Variants in ATP13A4 observed in about 807,000 individuals in gnomAD.
ATP13A4 encodes ATPase 13A4.
In ATP13A4, 114 loss-of-function variants were observed where a neutral mutation model predicts 142.5. The ratio of observed to expected loss-of-function variants is 0.80; its 90% CI spans 0.69 to 0.93. The LOEUF is 0.93. ATP13A4 is among the 40% of genes least tolerant of loss of function. The pLI, the probability that ATP13A4 is intolerant of heterozygous loss-of-function variation, is 0.00. For synonymous variants in ATP13A4, 488 were observed against 514.8 expected, an observed-to-expected ratio of 0.95 and a Z score of 0.70; for missense variants, 1,392 against 1,454.0, an observed-to-expected ratio of 0.96 and a Z score of 0.69.
chr3:193,553,101 G>A (rs1199164259), intron 1 of ATP13A4: 1 of 152,194 alleles, frequency 6.6e-6, no homozygotes, highest in African/African-American at 2.4e-5. Flanking sequence ...CACCTCTGCT[G>A]AGACTACTGG....
At chr3:193,571,225 G>A (rs949288261) in intron 2 of ATP13A4, among the ~76,000 whole-genome samples, 2 of 138,394 alleles carry the variant, frequency 1.4e-5, no homozygotes, top group East Asian at 4.2e-4. Flanking sequence ...TTGCCAGTGA[G>A]CCGAGATTGC....
intron 1 of ATP13A4, among the ~76,000 whole-genome samples, chr3:193,585,640 G>A (rs1232666032): frequency 1.3e-5 from 2 of 152,092 alleles, no homozygotes; most frequent in Non-Finnish European, 1.5e-5. Context: ...AGTTCAGCGC[G>A]TCTGTTAGAT....
At chr3:193,457,662 C>G (rs903574097) in intron 14 of ATP13A4, among the ~76,000 whole-genome samples, 197 bp from the exon 15 acceptor site, 3 of 152,204 alleles carry the variant, frequency 2.0e-5, no homozygotes, top group Non-Finnish European at 4.4e-5. Flanking sequence ...ACTTGAAGGG[C>G]AGACACTTTT....
chr3:193,424,314 A>T (rs1457123186), intron 25 of ATP13A4, among the ~76,000 whole-genome samples: 1 of 81,228 alleles, frequency 1.2e-5, no homozygotes, highest in Non-Finnish European at 2.8e-5. Flanking sequence ...AATTTTTCAC[A>T]GAAATAGAAA....
At chr3:193,411,440 A>C (rs546010909) in intron 27 of ATP13A4, among the ~76,000 whole-genome samples, 2 of 152,372 alleles carry the variant, frequency 1.3e-5, no homozygotes, top group East Asian at 1.9e-4. Flanking sequence ...GCCTGTCAAT[A>C]AACCAATTTT....
At chr3:193,541,045 C>A (rs1202281326) in intron 1 of ATP13A4, among the ~76,000 whole-genome samples, 1 of 151,932 alleles carries the variant, frequency 6.6e-6, no homozygotes, top group Non-Finnish European at 1.5e-5. Context: ...GTCAGGAGAT[C>A]GAGAGCATCC....
intron 3 of ATP13A4, among the ~76,000 whole-genome samples, chr3:193,496,991 T>A (rs1242444778): frequency 1.3e-5 from 2 of 152,040 alleles, no homozygotes; most frequent in Non-Finnish European, 2.9e-5. Context: ...GGGAAACGTT[T>A]CATGACATTG....
intron 1 of ATP13A4, among the ~76,000 whole-genome samples, chr3:193,552,042 T>C (rs1429118749): frequency 1.3e-5 from 2 of 152,186 alleles, no homozygotes; most frequent in Non-Finnish European, 2.9e-5. Flanking sequence ...GGCGCGATCT[T>C]GGCTCACTGC....
At chr3:193,573,247 C>T (rs1034479008) in intron 2 of ATP13A4, among the ~76,000 whole-genome samples, 4 of 102,578 alleles carry the variant, frequency 3.9e-5, no homozygotes, top group Non-Finnish European at 7.6e-5. Flanking sequence ...TGAACTTTAA[C>T]GAATACCACA....
chr3:193,482,024 T>C (rs1719325961), intron 8 of ATP13A4, among the ~76,000 whole-genome samples: 1 of 152,134 alleles, frequency 6.6e-6, no homozygotes, highest in Non-Finnish European at 1.5e-5. Flanking sequence ...AGAGCAAAAC[T>C]GTAGGACTAA....
chr3:193,556,363 A>ATG (rs1335651509), upstream of ATP13A4, among the ~76,000 whole-genome samples: 4 of 151,880 alleles, frequency 2.6e-5, no homozygotes, highest in East Asian at 2.0e-4. Flanking sequence ...CAATGTGTGC[A>ATG]TGTGTGTGTG....
At chr3:193,511,363 C>T (rs1387376882) in intron 2 of ATP13A4, among the ~76,000 whole-genome samples, 3 of 152,108 alleles carry the variant, frequency 2.0e-5, no homozygotes, top group Non-Finnish European at 4.4e-5. Context: ...GCTGGCTACA[C>T]GCAACTAGGA....
At chr3:193,549,433 T>TAGAG (rs374646368) in intron 1 of ATP13A4, among the ~76,000 whole-genome samples, 10 of 136,660 alleles carry the variant, frequency 7.3e-5, no homozygotes, top group African/African-American at 1.3e-4. Context: ...TATATATATA[T>TAGAG]AGAGAGAGAG....
chr3:193,562,067 T>A (rs79158946), intron 2 of ATP13A4, among the ~76,000 whole-genome samples: 3,788 of 152,198 alleles, frequency 0.025, 141 homozygotes, highest in African/African-American at 0.085. Context: ...CATATCTCAT[T>A]GACCCCAGAG....
intron 1 of ATP13A4, among the ~76,000 whole-genome samples, chr3:193,517,647 A>AT (rs540931143): frequency 1.3e-5 from 2 of 151,514 alleles, no homozygotes; most frequent in Admixed American, 6.6e-5. Flanking sequence ...CGCCCGGCTA[A>AT]TTTTTTTTGT....
At chr3:193,581,514 A>G (rs1724545441) in intron 2 of ATP13A4, among the ~76,000 whole-genome samples, 3 of 152,286 alleles carry the variant, frequency 2.0e-5, no homozygotes, top group African/African-American at 7.2e-5. Flanking sequence ...AATGGACGTG[A>G]TAACCACGTG....
chr3:193,496,843 A>T (rs1321616275), intron 3 of ATP13A4, among the ~76,000 whole-genome samples: 3 of 149,496 alleles, frequency 2.0e-5, no homozygotes, highest in East Asian at 2.0e-4. Flanking sequence ...AATAAATAAA[A>T]CTGAGAAACC....
At chr3:193,508,587 G>C (rs1720976660) in intron 2 of ATP13A4, among the ~76,000 whole-genome samples, 1 of 152,174 alleles carries the variant, frequency 6.6e-6, no homozygotes, top group South Asian at 2.1e-4. Flanking sequence ...GTATTATAAA[G>C]GATAATAGTC....
At chr3:193,577,621 T>A (rs1022935841) in intron 2 of ATP13A4, among the ~76,000 whole-genome samples, 2 of 152,232 alleles carry the variant, frequency 1.3e-5, no homozygotes, top group Non-Finnish European at 2.9e-5. Flanking sequence ...TGCTGAAAAC[T>A]TTTTATTAGG....
Sources: gnomAD v4.1 joint callset for allele counts (sites outside exome capture counted in the v4.1 genomes callset) on GRCh38, gnomAD v4.1.1 for gene constraint, MANE v1.5 for transcripts, NCBI Gene and HGNC (gene_info 2026-07-23, HGNC 2026-07-21) for gene names.